NKAIN2: variants seen among roughly 807,000 people sequenced by gnomAD.
The protein encoded by NKAIN2 is sodium/potassium-transporting ATPase subunit beta-1-interacting protein 2.
A neutral mutation model predicts 32.6 loss-of-function variants in NKAIN2; 14 were observed. The ratio of observed to expected loss-of-function variants is 0.43; its 90% CI spans 0.28 to 0.67. The LOEUF (loss-of-function observed/expected upper bound fraction) is 0.67. NKAIN2 is among the 30% of genes least tolerant of loss of function. NKAIN2 has a pLI of 0.17. For synonymous variants in NKAIN2, 80 were observed against 87.2 expected (o/e 0.92, Z 0.46); for missense variants, 198 against 258.3 (o/e 0.77, Z 1.60).
chr6:124,107,244 T>A (rs1223907197), intron 1 of NKAIN2, among the ~76,000 whole-genome samples: 1 of 152,188 alleles, frequency 6.6e-6, no homozygotes, highest in African/African-American at 2.4e-5. Flanking sequence ...TTGCAAATCA[T>A]GAAAAGATGT....
chr6:124,088,852 A>G (rs972043595), intron 1 of NKAIN2, among the ~76,000 whole-genome samples: 12 of 152,048 alleles, frequency 7.9e-5, no homozygotes, highest in African/African-American at 2.9e-4. Context: ...TAGGTTTACA[A>G]ATTCATATAT....
At chr6:124,153,157 C>T (rs1362775688) in intron 1 of NKAIN2, among the ~76,000 whole-genome samples, 1 of 151,798 alleles carries the variant, frequency 6.6e-6, no homozygotes, top group Non-Finnish European at 1.5e-5. Flanking sequence ...AGAAAATGCA[C>T]ACAACACCAA....
chr6:124,042,017 T>C (rs1010609131), intron 1 of NKAIN2, among the ~76,000 whole-genome samples: 5 of 152,074 alleles, frequency 3.3e-5, no homozygotes, highest in African/African-American at 1.2e-4. Context: ...CTAAATATAA[T>C]GGAATAAATG....
At chr6:124,621,945 C>T (rs1299952145) in intron 3 of NKAIN2, among the ~76,000 whole-genome samples, 1 of 152,084 alleles carries the variant, frequency 6.6e-6, no homozygotes, top group Non-Finnish European at 1.5e-5. Context: ...CTATATATTC[C>T]TTGGTTCTGA....
chr6:124,268,421 G>T (rs1794600436), intron 1 of NKAIN2, among the ~76,000 whole-genome samples: 1 of 152,130 alleles, frequency 6.6e-6, no homozygotes, highest in South Asian at 2.1e-4. Flanking sequence ...AGTTGCTTCA[G>T]AGACAATGTC....
intron 1 of NKAIN2, among the ~76,000 whole-genome samples, chr6:123,903,393 T>C (rs1774698598): frequency 6.6e-6 from 1 of 152,182 alleles, no homozygotes; most frequent in Non-Finnish European, 1.5e-5. Context: ...GAAGTAATGC[T>C]AGATATTAAA....
chr6:123,899,297 TTTCC>T (rs1009607513), intron 1 of NKAIN2, among the ~76,000 whole-genome samples: 1 of 152,054 alleles, frequency 6.6e-6, no homozygotes. Flanking sequence ...TGAGCACAGA[TTTCC>T]TTCCTTCCTT....
At chr6:123,956,238 C>T (rs955232160) in intron 1 of NKAIN2, among the ~76,000 whole-genome samples, 1 of 152,184 alleles carries the variant, frequency 6.6e-6, no homozygotes, top group African/African-American at 2.4e-5. Flanking sequence ...TGAGTGATAA[C>T]ATCTGTTCTG....
At chr6:124,720,216 C>T (rs574340030) in intron 4 of NKAIN2, among the ~76,000 whole-genome samples, 17 of 152,160 alleles carry the variant, frequency 1.1e-4, no homozygotes, top group Non-Finnish European at 2.2e-4. Context: ...ATATGTCAGA[C>T]ACTTCTACAG....
intron 4 of NKAIN2, among the ~76,000 whole-genome samples, chr6:124,725,013 A>G (rs913293700): frequency 2.0e-5 from 3 of 152,096 alleles, no homozygotes; most frequent in East Asian, 1.9e-4. Context: ...CCTTTCAACA[A>G]CTCTGCTAAG....
chr6:124,583,417 A>T (rs1024834947), intron 3 of NKAIN2, among the ~76,000 whole-genome samples: 3 of 152,142 alleles, frequency 2.0e-5, no homozygotes, highest in East Asian at 3.8e-4. Flanking sequence ...TTAACCAAAG[A>T]AATGAAAGGC....
At chr6:124,810,201 C>G (rs930623337) in intron 5 of NKAIN2, among the ~76,000 whole-genome samples, 2 of 151,862 alleles carry the variant, frequency 1.3e-5, no homozygotes, top group African/African-American at 4.8e-5. Context: ...TATTGCGGCA[C>G]TATTCACAAT....
intron 1 of NKAIN2, among the ~76,000 whole-genome samples, chr6:124,215,618 C>G (rs1028817063): frequency 2.6e-5 from 4 of 152,046 alleles, no homozygotes; most frequent in African/African-American, 9.7e-5. Context: ...TTTTAAACTT[C>G]TAAAGAAAAA....
intron 1 of NKAIN2, among the ~76,000 whole-genome samples, chr6:123,935,191 A>G (rs1446790326): frequency 6.8e-6 from 1 of 148,052 alleles, no homozygotes; most frequent in Non-Finnish European, 1.5e-5. Flanking sequence ...TAAATAAATA[A>G]ATATATTTAT....
chr6:124,243,935 T>A (rs1448310303), intron 1 of NKAIN2, among the ~76,000 whole-genome samples: 1 of 152,136 alleles, frequency 6.6e-6, no homozygotes, highest in Non-Finnish European at 1.5e-5. Flanking sequence ...TTGTTTATAA[T>A]GACAATAATT....
Position 123,935,103 on chromosome 6 carries a change from A to G in NKAIN2, c.54+130849A>G, listed in dbSNP as rs549439408. On this transcript the variant is annotated intron_variant, in intron 1 of 6. Transcript: ENST00000368417. ...TATTTGGAATATATAGATATTTCAT[A>G]TATATATTGAAATAAATATGTTAAA... 6.1e-5 allele frequency among the ~76,000 whole-genome samples: 9 copies of G among 147,520 alleles called. No individual in the cohort carries two copies. The East Asian group carries it at 1.8e-3, about 29-fold the overall frequency.
chr6:124,158,690 A>G (rs1456672545), intron 1 of NKAIN2, among the ~76,000 whole-genome samples: 1 of 152,188 alleles, frequency 6.6e-6, no homozygotes, highest in Non-Finnish European at 1.5e-5. Flanking sequence ...CCCCTTGACT[A>G]ATGAAGACCC....
chr6:123,823,708 G>C (rs1774020488), intron 1 of NKAIN2, among the ~76,000 whole-genome samples: 1 of 152,072 alleles, frequency 6.6e-6, no homozygotes, highest in South Asian at 2.1e-4. Context: ...TTATTGAAGA[G>C]AAAAGAAGTA....
intron 1 of NKAIN2, among the ~76,000 whole-genome samples, chr6:124,156,059 G>A (rs1429657348): frequency 6.6e-6 from 1 of 151,866 alleles, no homozygotes; most frequent in African/African-American, 2.4e-5. Context: ...AGTTGCTTTT[G>A]AATAGGAGTA....
Sources: allele counts gnomAD v4.1 joint callset (sites outside exome capture counted in the v4.1 genomes callset), GRCh38; gene constraint gnomAD v4.1.1; transcripts MANE v1.5; gene names NCBI Gene and HGNC (gene_info 2026-07-23, HGNC 2026-07-21).